DENND2B: variants seen among roughly 807,000 people sequenced by gnomAD.
DENND2B encodes the protein DENN domain-containing protein 2B.
Under a neutral mutation model 116.0 loss-of-function variants are expected in DENND2B, and 32 were observed. That is an observed-to-expected ratio of 0.28 (90% CI 0.21 to 0.37). The LOEUF (loss-of-function observed/expected upper bound fraction) is 0.37. DENND2B is among the 10% of genes least tolerant of loss of function. The pLI is 1.00. For synonymous variants in DENND2B, 588 were observed against 583.9 expected, an observed-to-expected ratio of 1.01 and a Z score of -0.10; for missense variants, 1,276 against 1,477.7, an observed-to-expected ratio of 0.86 and a Z score of 2.24.
At chr11:8,757,285 C>G (rs2053781571) in intron 1 of DENND2B, 2 of 360,558 alleles carry the variant, frequency 5.5e-6, no homozygotes, top group East Asian at 1.5e-4. Context: ...TTTGTTCTTC[C>G]AGATCACACT....
chr11:8,818,941 T>C (rs964224290), intron 4 of DENND2B, among the ~76,000 whole-genome samples: 1 of 152,206 alleles, frequency 6.6e-6, no homozygotes, highest in Admixed American at 6.5e-5. Flanking sequence ...AAGTGGTATA[T>C]GGACAAACTT....
intron 4 of DENND2B, among the ~76,000 whole-genome samples, chr11:8,826,874 T>G (rs1344749710): frequency 6.6e-6 from 1 of 152,134 alleles, no homozygotes; most frequent in Non-Finnish European, 1.5e-5. Context: ...AGATCAACAT[T>G]GAACAACCTG....
chr11:8,888,161 T>C (rs536616898), intron 1 of DENND2B, among the ~76,000 whole-genome samples: 24 of 152,190 alleles, frequency 1.6e-4, no homozygotes, highest in Non-Finnish European at 1.8e-4. Flanking sequence ...TGGACCTAAA[T>C]TGTGGTTAAT....
intron 2 of DENND2B, among the ~76,000 whole-genome samples, chr11:8,748,621 G>A (rs1200677843): frequency 6.6e-6 from 1 of 152,140 alleles, no homozygotes; most frequent in African/African-American, 2.4e-5. Context: ...AGGAAAGAAA[G>A]GGGGGAGGGA....
chr11:8,766,677 C>T (rs1441973629), intron 1 of DENND2B: 1 of 1,288,106 alleles, frequency 7.8e-7, no homozygotes, highest in Non-Finnish European at 1.0e-6. Flanking sequence ...CTATGCGCCC[C>T]ACCTCCATTC....
intron 2 of DENND2B, among the ~76,000 whole-genome samples, chr11:8,740,116 G>A (rs376199879): frequency 6.6e-6 from 1 of 151,670 alleles, no homozygotes; most frequent in Admixed American, 6.6e-5. Flanking sequence ...TTGAGCCCAG[G>A]AGGTCAAGGC....
chr11:8,763,715 T>C (rs748680072), intron 1 of DENND2B, among the ~76,000 whole-genome samples: 18 of 151,490 alleles, frequency 1.2e-4, no homozygotes, highest in Non-Finnish European at 2.2e-4. Context: ...TGGTTACCCA[T>C]AGGAAGACTA....
chr11:8,846,491 T>TGGGGAG (rs2062819348), intron 3 of DENND2B, among the ~76,000 whole-genome samples: 1 of 152,078 alleles, frequency 6.6e-6, no homozygotes, highest in Non-Finnish European at 1.5e-5. Context: ...GTCATCACAA[T>TGGGGAG]GGGGAGGAGG....
intron 1 of DENND2B, among the ~76,000 whole-genome samples, chr11:8,781,438 T>C (rs1480002784): frequency 6.6e-6 from 1 of 151,900 alleles, no homozygotes. Flanking sequence ...AACAAAGAGG[T>C]AGGAATGTTC....
At chr11:8,855,495 C>T (rs1395542869) in intron 3 of DENND2B, among the ~76,000 whole-genome samples, 1 of 151,270 alleles carries the variant, frequency 6.6e-6, no homozygotes, top group Admixed American at 6.6e-5. Context: ...TCTAAGAAAA[C>T]AAGACACCAA....
Position 8,693,989 on chromosome 11 carries a change from A to T in DENND2B, c.*107T>A. 8.3e-7 allele frequency: 1 copy of T among 1,210,156 alleles called. No homozygotes were observed. The highest frequency in any genetic ancestry group is 1.2e-6 in the Non-Finnish European group (1 of 837,978). 75.0% of individuals were successfully genotyped at this position (1,210,156 alleles called of 1,614,324 possible). ...GAGGTGGGCTGGCTTGGAGGATAGG[A>T]TCTGTGGGGGCAGAGGAGCCACAGC... On this transcript the variant is annotated 3_prime_UTR_variant, in exon 20 of 20. Coordinates refer to ENST00000313726, the MANE Select transcript of DENND2B (RefSeq NM_213618.2).
chr11:8,718,061 AAACAGAT>A, intron 4 of DENND2B, 169 bp from the exon 5 acceptor site: 1 of 615,590 alleles, frequency 1.6e-6, no homozygotes, highest in Non-Finnish European at 2.8e-6. Context: ...GGGAGGCTAC[AAACAGAT>A]CCTGGCTCCA....
chr11:8,698,979 G>T lies in DENND2B; in HGVS notation c.2899-5C>A, dbSNP rs915187844. On this transcript the variant is annotated splice_region_variant and splice_polypyrimidine_tract_variant and intron_variant, in intron 15 of 19. Transcript: ENST00000313726. The stretch of plus-strand genomic sequence containing the variant: ...TCCCAGATTCACCATCAGCGCCTGA[G>T]AAAAGGAGTCATTAGCAGAGTGGCT... The T allele has an allele frequency of 1.9e-6, 3 of 1,614,178 alleles. No individual in the cohort carries two copies. The highest frequency in any genetic ancestry group is 1.7e-5 in the Admixed American group (1 of 60,030).
Position 8,707,867 on chromosome 11 carries a change from A to G in DENND2B, c.2353-13T>C, listed in dbSNP as rs1565659713. 1.2e-6 allele frequency: 2 copies of G among 1,603,714 alleles called. No individual in the cohort carries two copies. Among genetic ancestry groups the G allele is most frequent in the Non-Finnish European group, 8.5e-7 (1 of 1,175,438 alleles). On this transcript the variant is annotated splice_polypyrimidine_tract_variant and intron_variant, in intron 11 of 19. Coordinates refer to ENST00000313726, the MANE Select transcript of DENND2B (RefSeq NM_213618.2). The surrounding 1 kb of genome is among the most constrained non-coding windows in gnomAD (Gnocchi z 4.8). Reference sequence around the variant, plus strand: ...CTTTCCCACTTGGCTGGGCCAGGACAAGGAGGAGGAGGAGAGAGACAGACA... The same window carrying G: ...CTTTCCCACTTGGCTGGGCCAGGACGAGGAGGAGGAGGAGAGAGACAGACA...
intron 3 of DENND2B, among the ~76,000 whole-genome samples, chr11:8,856,967 G>T (rs933070054): frequency 1.3e-5 from 2 of 151,956 alleles, no homozygotes; most frequent in African/African-American, 4.8e-5. Context: ...CACCCAGGCT[G>T]GTCTAGAACT....
intron 1 of DENND2B, among the ~76,000 whole-genome samples, chr11:8,793,375 T>A (rs1266585798): frequency 1.3e-5 from 2 of 152,202 alleles, no homozygotes; most frequent in Non-Finnish European, 2.9e-5. Context: ...TTACCTCTAA[T>A]CTATTTTCCT....
intron 2 of DENND2B, among the ~76,000 whole-genome samples, chr11:8,865,221 G>T (rs529636749): frequency 3.3e-5 from 5 of 152,122 alleles, no homozygotes; most frequent in African/African-American, 1.2e-4. Flanking sequence ...GTGCAATCTC[G>T]CAAAGGCTGG....
chr11:8,899,178 A>G (rs2064135967), intron 1 of DENND2B, among the ~76,000 whole-genome samples: 1 of 152,122 alleles, frequency 6.6e-6, no homozygotes, highest in South Asian at 2.1e-4. Context: ...AAGAAAAGAA[A>G]AAGAATGAAG....
At chr11:8,696,706 G>A (rs1417018820) in intron 17 of DENND2B, 40 bp from the exon 18 acceptor site, 4 of 1,603,230 alleles carry the variant, frequency 2.5e-6, no homozygotes, top group Non-Finnish European at 2.6e-6. Flanking sequence ...CAGGTCAAGA[G>A]CCTGCAAAGC....
Sources: allele counts gnomAD v4.1 joint callset (sites outside exome capture counted in the v4.1 genomes callset), GRCh38; gene constraint gnomAD v4.1.1; non-coding constraint Gnocchi (gnomAD v3.1); transcripts MANE v1.5; gene names NCBI Gene and HGNC (gene_info 2026-07-23, HGNC 2026-07-21).